Variants in DCBLD2 observed in about 807,000 individuals in gnomAD.
DCBLD2 encodes discoidin, CUB and LCCL domain-containing protein 2.
DCBLD2 carries 54 observed loss-of-function variants against 86.8 expected under a neutral mutation model. The observed-to-expected ratio is 0.62, with a 90% CI of 0.50 to 0.78. The LOEUF (loss-of-function observed/expected upper bound fraction) is 0.78, where lower values mean the gene tolerates loss of function less well. DCBLD2 is among the 30% of genes least tolerant of loss of function. The pLI is 0.00. For synonymous variants in DCBLD2, 354 were observed against 341.3 expected (o/e 1.04, Z -0.41); for missense variants, 908 against 954.2 (o/e 0.95, Z 0.64).
intron 2 of DCBLD2, among the ~76,000 whole-genome samples, chr3:98,861,083 T>G (rs1039610458): frequency 1.3e-5 from 2 of 152,110 alleles, no homozygotes; most frequent in African/African-American, 4.8e-5. Flanking sequence ...TCCTAGTCTC[T>G]GATAAAACAG....
Position 98,901,237 on chromosome 3 carries a change from G to C in DCBLD2, c.90C>G (p.Leu30=), listed in dbSNP as rs1053599125. The change falls in exon 1 of 16, where the codon CTC becomes CTG. Residue 30 remains leucine (L), a synonymous_variant. Coordinates refer to ENST00000326840, the MANE Select transcript of DCBLD2 (RefSeq NM_080927.4). The stretch of plus-strand genomic sequence containing the variant: ...AGGGAGGGAGGGAGCGGGAGAGGGG[G>C]AGCGCGGCCCAGGCGGGGGCGGCGG... ...AAAAAPAWAA[L]PLSRSLPPCS... is the part of the protein sequence containing the mutation. 1.3e-6 allele frequency: 2 copies of C among 1,534,782 alleles called. No individual in the cohort carries two copies. Among genetic ancestry groups the C allele is most frequent in the Non-Finnish European group, 1.7e-6 (2 of 1,146,586 alleles).
chr3:98,882,223 T>C (rs1467491292), intron 1 of DCBLD2, among the ~76,000 whole-genome samples: 1 of 152,184 alleles, frequency 6.6e-6, no homozygotes, highest in Middle Eastern at 3.2e-3. Context: ...TTCAAGGAGA[T>C]TTCAATTCTG....
chr3:98,839,153 T>TTTTC (rs1942564741), intron 3 of DCBLD2, among the ~76,000 whole-genome samples: 2 of 109,444 alleles, frequency 1.8e-5, no homozygotes, highest in East Asian at 4.3e-4. Flanking sequence ...CCTTCTTTCT[T>TTTTC]TCTTTCTTTC....
At chr3:98,856,149 A>C (rs1942927078) in intron 2 of DCBLD2, among the ~76,000 whole-genome samples, 1 of 152,218 alleles carries the variant, frequency 6.6e-6, no homozygotes, top group Non-Finnish European at 1.5e-5. Flanking sequence ...GGAGATGTCA[A>C]AACCTTTTAA....
rs77544795 is a variant in DCBLD2 at position 98,826,160 on chromosome 3, T to C, written c.572-794A>G. On this transcript the variant is annotated intron_variant, in intron 3 of 15. Transcript: ENST00000326840. The stretch of plus-strand genomic sequence containing the variant: ...TCATAGGCTATGTAAAAAGTGGCTT[T>C]GGTTAAAAAAAAAGCAAAAAAAACA... Among the ~76,000 whole-genome samples, 59 of 121,684 alleles carry C rather than the reference T, an allele frequency of 4.8e-4. No homozygotes were observed. The East Asian group carries it at 9.8e-3, about 20-fold the overall frequency. The allele number at this position is 121,684 out of a possible 152,430, so 79.8% of individuals were successfully genotyped here.
chr3:98,801,551 G>T (rs761284103), intron 14 of DCBLD2, 49 bp downstream of exon 14: 15 of 1,506,472 alleles, frequency 1.0e-5, no homozygotes, highest in Non-Finnish European at 1.4e-5. Flanking sequence ...CCCTGTAGGG[G>T]AGCGACATCC....
In DCBLD2 at chr3:98,812,340, A is replaced by G; in HGVS notation, c.1355T>C (p.Ile452Thr). The G allele has an allele frequency of 2.5e-6, 4 of 1,613,480 alleles. No individual in the cohort carries two copies. The highest frequency in any genetic ancestry group is 1.1e-5 in the South Asian group (1 of 91,038). Residue 452 changes from isoleucine to threonine, a missense_variant, in exon 10 of 16, where the codon ATT becomes ACT. By Grantham distance (89) the Ile-to-Thr change is moderately conservative (BLOSUM62 -1). Coordinates refer to ENST00000326840, the MANE Select transcript of DCBLD2 (RefSeq NM_080927.4). ...MKMELLGCQF[I>T]PKGRPPKLTQ... is the part of the protein sequence containing the mutation. ...ACGAACTGTCTCTTTACCTTTAGGA[A>G]TAAACTGACATCCGAGCAGCTCCAT...
At position 98,839,152 on chromosome 3, in the gene DCBLD2, T is replaced by C. The variant is rs1320078686; in HGVS notation, c.571+10309A>G. 3.0e-4 allele frequency among the ~76,000 whole-genome samples: 13 copies of C among 42,830 alleles called. No individual in the cohort carries two copies. The East Asian group carries it at 4.7e-3, about 15-fold the overall frequency. The allele number at this position is 42,830 out of a possible 152,430, so 28.1% of individuals were successfully genotyped here. A position where few individuals can be genotyped will look rare whatever the true frequency, so the allele number is the denominator to read the frequency against. On this transcript the variant is annotated intron_variant, in intron 3 of 15. Transcript: ENST00000326840. The stretch of plus-strand genomic sequence containing the variant: ...CTTTCCTTCCTTCCTTCCTTCTTTC[T>C]TTCTTTCTTTCTTTCTTTCCTTTCT...
At chr3:98,845,260 T>A (rs975931067) in intron 3 of DCBLD2, among the ~76,000 whole-genome samples, 1 of 152,064 alleles carries the variant, frequency 6.6e-6, no homozygotes, top group African/African-American at 2.4e-5. Flanking sequence ...TAATGAAAAC[T>A]AGAAATGAAA....
rs1037942101 is a variant in DCBLD2 at position 98,798,657 on chromosome 3, TACTC to T, written c.*711_*714del. On this transcript the variant is annotated 3_prime_UTR_variant, in exon 16 of 16. Coordinates refer to ENST00000326840, the MANE Select transcript of DCBLD2 (RefSeq NM_080927.4). ...TAAGGCAAGCATCACTCATCAGAAA[TACTC>T]AAACATTTTATAAACACAAGAATGG... is the stretch of plus-strand genomic sequence containing the variant. 6.6e-6 allele frequency: 1 copy of T among 152,132 alleles called. No homozygotes were observed. The highest frequency in any genetic ancestry group is 1.5e-5 in the Non-Finnish European group (1 of 68,052). 9.4% of individuals were successfully genotyped at this position (152,132 alleles called of 1,614,324 possible).
At position 98,812,313 on chromosome 3, in the gene DCBLD2, A is replaced by C. The variant is rs893957827; in HGVS notation, c.1363+19T>G. 6.2e-7 allele frequency: 1 copy of C among 1,611,694 alleles called. No homozygotes were observed. The highest frequency in any genetic ancestry group is 1.7e-5 in the Admixed American group (1 of 59,380). The stretch of plus-strand genomic sequence containing the variant: ...TGGCAATCCAGTAAAAACATATCTT[A>C]AACGAACTGTCTCTTTACCTTTAGG... On this transcript the variant is annotated intron_variant, in intron 10 of 15. Coordinates refer to ENST00000326840, the MANE Select transcript of DCBLD2 (RefSeq NM_080927.4).
intron 12 of DCBLD2, among the ~76,000 whole-genome samples, chr3:98,809,211 TG>T (rs1372602340): frequency 1.3e-5 from 2 of 152,092 alleles, no homozygotes; most frequent in African/African-American, 4.8e-5. Context: ...TAAGGTCACT[TG>T]GGATATTAGT....
At position 98,820,253 on chromosome 3, in the gene DCBLD2, G is replaced by T; in HGVS notation, c.866C>A (p.Thr289Lys). Reference protein sequence around the residue: ...HLSTSLFTFKTSGCYGTLGME... With the variant: ...HLSTSLFTFKKSGCYGTLGME... ...AAAGTCCATAAAAGGCTTACCACTT[G>T]TCTTAAATGTAAAAAGACTTGTAGA... is the stretch of plus-strand genomic sequence containing the variant. Residue 289 changes from threonine to lysine, a missense_variant, in exon 7 of 16, where the codon ACA becomes AAA. Transcript: ENST00000326840. 1 of 1,467,816 alleles carries T rather than the reference G, an allele frequency of 6.8e-7. No homozygotes were observed. Among genetic ancestry groups the T allele is most frequent in the Admixed American group, 2.4e-5 (1 of 41,852 alleles). The allele number at this position is 1,467,816 out of a possible 1,614,324, so 90.9% of individuals were successfully genotyped here.
At chr3:98,821,418 A>G (rs1476698699) in intron 6 of DCBLD2, among the ~76,000 whole-genome samples, 5 of 152,234 alleles carry the variant, frequency 3.3e-5, no homozygotes, top group Admixed American at 3.3e-4. Context: ...AAACAGTAGA[A>G]CACTATAGTT....
chr3:98,839,114 T>TTTCTTTCG (rs1942557446), intron 3 of DCBLD2, among the ~76,000 whole-genome samples: 1 of 104,590 alleles, frequency 9.6e-6, no homozygotes, highest in South Asian at 3.9e-4. Context: ...TCTTTCTTTC[T>TTTCTTTCG]TTCTTTTTCT....
At chr3:98,859,523 G>GAA (rs1241886273) in intron 2 of DCBLD2, among the ~76,000 whole-genome samples, 1 of 152,152 alleles carries the variant, frequency 6.6e-6, no homozygotes, top group Admixed American at 6.5e-5. Context: ...CCTCTGAGAC[G>GAA]AAGCTTCCAG....
intron 3 of DCBLD2, among the ~76,000 whole-genome samples, chr3:98,841,321 G>T (rs1037851457): frequency 6.6e-6 from 1 of 152,076 alleles, no homozygotes; most frequent in Non-Finnish European, 1.5e-5. Context: ...TGCAAACTTA[G>T]TTAGCTATAT....
At chr3:98,864,133 G>A (rs1307148430) in intron 2 of DCBLD2, among the ~76,000 whole-genome samples, 1 of 152,210 alleles carries the variant, frequency 6.6e-6, no homozygotes, top group African/African-American at 2.4e-5. Context: ...TCAGAGAAAT[G>A]CAAATCAAAA....
intron 14 of DCBLD2, 138 bp from the exon 15 acceptor site, chr3:98,800,854 T>A: frequency 1.0e-5 from 2 of 198,476 alleles, no homozygotes; most frequent in Non-Finnish European, 1.3e-5. Context: ...ATAATCCAAC[T>A]TTTTTTTTTT....
Sources: gnomAD v4.1 joint callset for allele counts (sites outside exome capture counted in the v4.1 genomes callset) on GRCh38, gnomAD v4.1.1 for gene constraint, MANE v1.5 for transcripts, NCBI Gene and HGNC (gene_info 2026-07-23, HGNC 2026-07-21) for gene names.